Variants in ZSCAN5A observed in about 807,000 individuals in gnomAD.
The protein encoded by ZSCAN5A is zinc finger and SCAN domain-containing protein 5A.
ZSCAN5A carries 12 observed loss-of-function variants against 23.7 expected under a neutral mutation model. That is an observed-to-expected ratio of 0.51 (90% confidence interval 0.32 to 0.82). The LOEUF (loss-of-function observed/expected upper bound fraction) is 0.82. Ranked by LOEUF, ZSCAN5A falls within the 40% of genes least tolerant of loss-of-function variation. The probability of loss-of-function intolerance (pLI) is 0.03; values close to 1 mark genes in which losing one functional copy is unlikely to be tolerated. For missense variants in ZSCAN5A, 597 were observed against 617.9 expected (o/e 0.97, Z 0.36); for synonymous variants, 257 against 239.9 (o/e 1.07, Z -0.66).
chr19:56,249,016 C>T (rs146342773), intron 2 of ZSCAN5A, among the ~76,000 whole-genome samples: 1 of 152,214 alleles, frequency 6.6e-6, no homozygotes, highest in East Asian at 1.9e-4. Context: ...CACTGCCCCC[C>T]CCGAATCCTC....
At chr19:56,245,562 A>G (rs2035816913) in intron 2 of ZSCAN5A, 1 of 310,228 alleles carries the variant, frequency 3.2e-6, no homozygotes, top group African/African-American at 2.2e-5. Flanking sequence ...TTACATCCTT[A>G]GACATTCCTG....
chr19:56,237,265 G>A (rs548378938), intron 2 of ZSCAN5A, among the ~76,000 whole-genome samples: 161 of 152,254 alleles, frequency 1.1e-3, no homozygotes, highest in Non-Finnish European at 1.6e-3. Context: ...AACTCCATCC[G>A]GTAACAGCTC....
intron 2 of ZSCAN5A, among the ~76,000 whole-genome samples, chr19:56,271,206 A>T (rs532254577): frequency 6.6e-6 from 1 of 152,320 alleles, no homozygotes; most frequent in African/African-American, 2.4e-5. Flanking sequence ...GCCTCTAATT[A>T]ACCACTGCCA....
intron 2 of ZSCAN5A, among the ~76,000 whole-genome samples, chr19:56,227,767 G>A (rs1394844157): frequency 1.3e-5 from 2 of 152,098 alleles, no homozygotes; most frequent in Non-Finnish European, 2.9e-5. Context: ...TTTTAAAAAG[G>A]GTGTGTGGCA....
chr19:56,266,227 G>A (rs1002840929), intron 2 of ZSCAN5A: 1 of 152,168 alleles, frequency 6.6e-6, no homozygotes, highest in African/African-American at 2.4e-5. Flanking sequence ...AGAGTATTAT[G>A]ATTATTACTG....
chr19:56,234,729 G>C (rs898848294), intron 2 of ZSCAN5A, among the ~76,000 whole-genome samples: 1 of 152,144 alleles, frequency 6.6e-6, no homozygotes, highest in Non-Finnish European at 1.5e-5. Flanking sequence ...CGTACCCCTT[G>C]CTTGCTCAAA....
chr19:56,245,413 G>A (rs766169032), intron 2 of ZSCAN5A: 4 of 695,086 alleles, frequency 5.8e-6, no homozygotes, highest in Non-Finnish European at 1.1e-5. Flanking sequence ...TCCCTGCACT[G>A]TCCAGAAGGC....
At position 56,255,111 on chromosome 19, in the gene ZSCAN5A, C is replaced by T. The variant is rs796673823; in HGVS notation, c.-127-29938G>A. ...AATAAGTGAGGTACAGTAAATGGCA[C>T]GTTATCAGTTTATGATTTGTCGTGT... On this transcript the variant is annotated intron_variant, in intron 2 of 5. Transcript: ENST00000683990. Among the ~76,000 whole-genome samples the T allele has an allele frequency of 7.9e-5, 12 of 152,002 alleles. No homozygotes were observed. In the South Asian group the frequency reaches 2.3e-3, roughly 29 times the overall value.
At chr19:56,274,445 C>G (rs1410919589) in intron 2 of ZSCAN5A, 1 of 138,064 alleles carries the variant, frequency 7.2e-6, no homozygotes, top group Non-Finnish European at 1.6e-5. Flanking sequence ...CAGAGCAAGA[C>G]TCTGTTTCAA....
At chr19:56,353,741 C>T (rs1323885897) in intron 2 of ZSCAN5A, among the ~76,000 whole-genome samples, 1 of 151,848 alleles carries the variant, frequency 6.6e-6, no homozygotes, top group Non-Finnish European at 1.5e-5. Flanking sequence ...GAGATCGTGC[C>T]ACTGCACTCC....
intron 2 of ZSCAN5A, among the ~76,000 whole-genome samples, chr19:56,242,873 G>GA (rs2035539534): frequency 6.6e-6 from 1 of 151,994 alleles, no homozygotes; most frequent in Non-Finnish European, 1.5e-5. Flanking sequence ...CCACCTCCCT[G>GA]ATTCAAGTGA....
chr19:56,294,908 C>T (rs1047335502), intron 2 of ZSCAN5A, among the ~76,000 whole-genome samples: 1 of 152,162 alleles, frequency 6.6e-6, no homozygotes, highest in Non-Finnish European at 1.5e-5. Context: ...TCTGTCTCTA[C>T]GACATGTCCA....
intron 2 of ZSCAN5A, chr19:56,247,510 G>A (rs75847116): frequency 0.018 from 2,829 of 161,048 alleles, 82 homozygotes; most frequent in African/African-American, 0.065. Context: ...TTTCACTGAC[G>A]CTATTAGATG....
chr19:56,366,425 A>G (rs1600306335), intron 1 of ZSCAN5A, among the ~76,000 whole-genome samples: 1 of 119,802 alleles, frequency 8.3e-6, no homozygotes, highest in African/African-American at 3.6e-5. Context: ...TCTGTCTCAA[A>G]AAAAAAAAAA....
chr19:56,319,730 T>A (rs559844977), upstream of ZSCAN5A: 23 of 670,418 alleles, frequency 3.4e-5, no homozygotes, highest in Admixed American at 3.6e-4. Flanking sequence ...AAACAAGACC[T>A]GTTTAACAAA....
At chr19:56,257,969 G>C (rs575249812) in intron 2 of ZSCAN5A, among the ~76,000 whole-genome samples, 6 of 121,612 alleles carry the variant, frequency 4.9e-5, no homozygotes, top group Admixed American at 2.6e-4. Flanking sequence ...ACCACTGCCC[G>C]ATCTTCTTAG....
At chr19:56,250,016 C>A (rs902726349) in intron 2 of ZSCAN5A, among the ~76,000 whole-genome samples, 3 of 152,214 alleles carry the variant, frequency 2.0e-5, no homozygotes, top group Non-Finnish European at 4.4e-5. Context: ...ACTGTTGTGA[C>A]ACCTCGGTTC....
At chr19:56,244,545 G>C in intron 2 of ZSCAN5A, 4 of 1,226,816 alleles carry the variant, frequency 3.3e-6, no homozygotes, top group Non-Finnish European at 4.5e-6. Flanking sequence ...AAGTAGAGGA[G>C]AGTTTGCCCA....
intron 2 of ZSCAN5A, among the ~76,000 whole-genome samples, chr19:56,362,578 T>A (rs1486308943): frequency 2.0e-5 from 3 of 148,824 alleles, no homozygotes; most frequent in East Asian, 2.0e-4. Flanking sequence ...TAAAATAAAA[T>A]AAAAAAGATG....
Sources: gnomAD v4.1 joint callset for allele counts (sites outside exome capture counted in the v4.1 genomes callset) on GRCh38, gnomAD v4.1.1 for gene constraint, MANE v1.5 for transcripts, NCBI Gene and HGNC (gene_info 2026-07-23, HGNC 2026-07-21) for gene names.